Variants in STAT1 observed in about 807,000 individuals in gnomAD.
The protein encoded by STAT1 is signal transducer and activator of transcription 1, also known as signal transducer and activator of transcription 1-alpha/beta.
Under a neutral mutation model 111.7 loss-of-function variants are expected in STAT1, and 24 were observed. That is an observed-to-expected ratio of 0.21 (90% CI 0.16 to 0.30). STAT1 has a LOEUF of 0.30. Ranked by LOEUF, STAT1 falls within the 10% of genes least tolerant of loss-of-function variation. The probability of loss-of-function intolerance (pLI) is 1.00; values close to 1 mark genes in which losing one functional copy is unlikely to be tolerated. For missense variants in STAT1, 351 were observed against 911.9 expected, an observed-to-expected ratio of 0.38 and a Z score of 7.92; for synonymous variants, 332 against 326.5, an observed-to-expected ratio of 1.02 and a Z score of -0.18.
intron 5 of STAT1, among the ~76,000 whole-genome samples, chr2:191,002,444 C>T (rs564561860): frequency 3.1e-4 from 47 of 152,152 alleles, no homozygotes; most frequent in Non-Finnish European, 6.0e-4. Flanking sequence ...CTAGTAGGGC[C>T]AGTCCCATTT....
At position 190,982,986 on chromosome 2, in the gene STAT1, G is replaced by A. The variant is rs1692503784; in HGVS notation, c.1447-468C>T. On this transcript the variant is annotated intron_variant, in intron 17 of 24. Coordinates refer to ENST00000361099, the MANE Select transcript of STAT1 (RefSeq NM_007315.4). The surrounding 1 kb of genome is among the most constrained non-coding windows in gnomAD (Gnocchi z 7.3). ...TGGTGCCCGAGCATAGTACCACAGT[G>A]TGGTCTACTGTTCCTAAGCATGGGA... Among the ~76,000 whole-genome samples the A allele has an allele frequency of 6.6e-6, 1 of 152,206 alleles. No homozygotes were observed. The highest frequency in any genetic ancestry group is 6.5e-5 in the Admixed American group (1 of 15,286).
At chr2:191,009,805 C>T (rs577741534) in intron 3 of STAT1, 71 bp downstream of exon 3, 6 of 1,586,230 alleles carry the variant, frequency 3.8e-6, no homozygotes, top group South Asian at 2.2e-5. Flanking sequence ...GTAAACATGG[C>T]CCCAAGTCAC....
In STAT1 at chr2:190,971,456, C is replaced by CT. The variant is rs1023491826; in HGVS notation, c.2239-740dup. On this transcript the variant is annotated intron_variant, in intron 24 of 24. Coordinates refer to ENST00000361099, the MANE Select transcript of STAT1 (RefSeq NM_007315.4). The surrounding 1 kb of genome is among the most constrained non-coding windows in gnomAD (Gnocchi z 4.1). ...GAAGCCAGAGGTGTTGCTGAACCTC[C>CT]TACGAAGCACAGGAAAGCTCCCCAC... Among the ~76,000 whole-genome samples the CT allele has an allele frequency of 6.6e-6, 1 of 152,058 alleles. No individual in the cohort carries two copies. The highest frequency in any genetic ancestry group is 6.5e-5 in the Admixed American group (1 of 15,270).
At position 190,995,231 on chromosome 2, in the gene STAT1, C is replaced by G. The variant is rs562518878; in HGVS notation, c.786-12G>C. On this transcript the variant is annotated splice_polypyrimidine_tract_variant and intron_variant, in intron 9 of 24. Transcript: ENST00000361099. The surrounding 1 kb of genome is among the most constrained non-coding windows in gnomAD (Gnocchi z 4.2). ...CAACTATAGTGAACCTGGGAAGACA[C>G]AAGACACAGATGTCTCTATGAGAAA... The G allele has an allele frequency of 1.9e-6, 3 of 1,613,736 alleles. No homozygotes were observed. The highest frequency in any genetic ancestry group is 1.3e-5 in the African/African-American group (1 of 74,972).
chr2:190,998,834 T>A lies in STAT1; in HGVS notation c.542-526A>T, dbSNP rs1246260927. Reference sequence around the variant, plus strand: ...TTATTATAAAAATAAATGTAAATAATAAAATGTTTTATCTGAACAGAATTC... The same window carrying A: ...TTATTATAAAAATAAATGTAAATAAAAAAATGTTTTATCTGAACAGAATTC... On this transcript the variant is annotated intron_variant, in intron 7 of 24. Coordinates refer to ENST00000361099, the MANE Select transcript of STAT1 (RefSeq NM_007315.4). The surrounding 1 kb of genome is among the most constrained non-coding windows in gnomAD (Gnocchi z 4.1). Among the ~76,000 whole-genome samples, 2 of 151,730 alleles carry A rather than the reference T, an allele frequency of 1.3e-5. No individual in the cohort carries two copies. Among genetic ancestry groups the A allele is most frequent in the Non-Finnish European group, 2.9e-5 (2 of 67,950 alleles).
Position 190,980,742 on chromosome 2 carries a change from T to G in STAT1, c.1583-73A>C. The stretch of plus-strand genomic sequence containing the variant: ...AAGCTTTGGTTGGACGGATGGCTCT[T>G]GTATTTGCTCTCAAGGAAAAGAGCC... On this transcript the variant is annotated intron_variant, in intron 18 of 24. Transcript: ENST00000361099. The surrounding 1 kb of genome is among the most constrained non-coding windows in gnomAD (Gnocchi z 6.1). 1 of 1,466,920 alleles carries G rather than the reference T, an allele frequency of 6.8e-7. No homozygotes were observed. Among genetic ancestry groups the G allele is most frequent in the Non-Finnish European group, 9.5e-7 (1 of 1,048,670 alleles). The allele number at this position is 1,466,920 out of a possible 1,614,324, so 90.9% of individuals were successfully genotyped here. A position where few individuals can be genotyped will look rare whatever the true frequency, so the allele number is the denominator to read the frequency against.
intron 2 of STAT1, among the ~76,000 whole-genome samples, chr2:191,011,864 T>C (rs1206562122): frequency 6.6e-6 from 1 of 152,048 alleles, no homozygotes; most frequent in East Asian, 2.0e-4. Context: ...CAGTTCTTTA[T>C]AGCAGCATGA....
Position 190,982,664 on chromosome 2 carries a change from A to C in STAT1, c.1447-146T>G. 1 of 862,822 alleles carries C rather than the reference A, an allele frequency of 1.2e-6. No homozygotes were observed. Among genetic ancestry groups the C allele is most frequent in the Non-Finnish European group, 1.9e-6 (1 of 539,102 alleles). 53.4% of individuals were successfully genotyped at this position (862,822 alleles called of 1,614,324 possible). ...ACAGTAGGGGAAGAGAAATACAGTC[A>C]ATTTTCATTATTTACAGATGCACAT... On this transcript the variant is annotated intron_variant, in intron 17 of 24. Coordinates refer to ENST00000361099, the MANE Select transcript of STAT1 (RefSeq NM_007315.4). This position sits in a 1 kb window ranked among gnomAD's most constrained non-coding sequence, Gnocchi z 7.3.
At position 190,997,765 on chromosome 2, in the gene STAT1, G is replaced by C. The variant is rs892167462; in HGVS notation, c.785+91C>G. The C allele has an allele frequency of 3.2e-6, 5 of 1,564,770 alleles. No homozygotes were observed. In the African/African-American group the frequency reaches 5.4e-5, roughly 17 times the overall value. On this transcript the variant is annotated intron_variant, in intron 9 of 24. Coordinates refer to ENST00000361099, the MANE Select transcript of STAT1 (RefSeq NM_007315.4). The surrounding 1 kb of genome is among the most constrained non-coding windows in gnomAD (Gnocchi z 7.3). ...AAACTCTATACTAATGTTTTGACAG[G>C]GTCCATTCAACTAACACAGCTCAAA...
rs770452244 is a variant in STAT1 at position 190,976,685 on chromosome 2, C to A, written c.2059+155G>T. ...ACTAGCTGTATCAGGCCAAATAATG[C>A]ATTATGTTTCACCTGCACTGAGTTT... On this transcript the variant is annotated intron_variant, in intron 22 of 24. Coordinates refer to ENST00000361099, the MANE Select transcript of STAT1 (RefSeq NM_007315.4). The surrounding 1 kb of genome is among the most constrained non-coding windows in gnomAD (Gnocchi z 6.0). 2.0e-5 allele frequency among the ~76,000 whole-genome samples: 3 copies of A among 152,174 alleles called. No individual in the cohort carries two copies. Among genetic ancestry groups the A allele is most frequent in the Non-Finnish European group, 2.9e-5 (2 of 68,038 alleles).
rs1326059771 is a variant in STAT1, at chr2:190,999,585, A to T, written c.541+41T>A. 1 of 1,424,302 alleles carries T rather than the reference A, an allele frequency of 7.0e-7. No individual in the cohort carries two copies. The highest frequency in any genetic ancestry group is 9.9e-7 in the Non-Finnish European group (1 of 1,007,308). The allele number at this position is 1,424,302 out of a possible 1,614,324, so 88.2% of individuals were successfully genotyped here. On this transcript the variant is annotated intron_variant, in intron 7 of 24. Coordinates refer to ENST00000361099, the MANE Select transcript of STAT1 (RefSeq NM_007315.4). This position sits in a 1 kb window ranked among gnomAD's most constrained non-coding sequence, Gnocchi z 4.1. ...TTCGTTATCTAGTGTGAACAGAAAA[A>T]ATTGCAGCCAACGGGCACCACTTCA... is the stretch of plus-strand genomic sequence containing the variant.
intron 2 of STAT1, chr2:191,010,476 G>T: frequency 2.5e-6 from 1 of 400,644 alleles, no homozygotes. Flanking sequence ...CACATAGTAG[G>T]TATCCAATAA....
chr2:190,994,293 G>A (rs570929289), intron 10 of STAT1, among the ~76,000 whole-genome samples: 1 of 152,312 alleles, frequency 6.6e-6, no homozygotes, highest in South Asian at 2.1e-4. Context: ...CCAGGCTGCA[G>A]AAGGGGGGCC....
Position 190,983,454 on chromosome 2 carries a change from G to GT in STAT1, c.1446+187dup, listed in dbSNP as rs1431184486. ...AGCTTACCCACATGGGAGAAAAAACGTAATTCTCATTTCAAATACATATCC... is the reference window on the plus strand; with the variant it reads ...AGCTTACCCACATGGGAGAAAAAACGTTAATTCTCATTTCAAATACATATCC... On this transcript the variant is annotated intron_variant, in intron 17 of 24. Coordinates refer to ENST00000361099, the MANE Select transcript of STAT1 (RefSeq NM_007315.4). This position sits in a 1 kb window ranked among gnomAD's most constrained non-coding sequence, Gnocchi z 5.7. 1.3e-5 allele frequency among the ~76,000 whole-genome samples: 2 copies of GT among 152,178 alleles called. No individual in the cohort carries two copies. The highest frequency in any genetic ancestry group is 4.8e-5 in the African/African-American group (2 of 41,436).
Position 190,977,475 on chromosome 2 carries a change from A to G in STAT1, c.1874-450T>C, listed in dbSNP as rs1574639035. Among the ~76,000 whole-genome samples, 1 of 152,328 alleles carries G rather than the reference A, an allele frequency of 6.6e-6. No homozygotes were observed. The highest frequency in any genetic ancestry group is 2.1e-4 in the South Asian group (1 of 4,828). On this transcript the variant is annotated intron_variant, in intron 21 of 24. Coordinates refer to ENST00000361099, the MANE Select transcript of STAT1 (RefSeq NM_007315.4). The surrounding 1 kb of genome is among the most constrained non-coding windows in gnomAD (Gnocchi z 4.7). ...TATTAAAATAAATTATGATATATAG[A>G]AAACAACATTTCAAATTAAAAATGA... is the stretch of plus-strand genomic sequence containing the variant.
At chr2:191,013,876 C>T in intron 1 of STAT1, 142 bp downstream of exon 1, 2 of 387,218 alleles carry the variant, frequency 5.2e-6, no homozygotes, top group Non-Finnish European at 9.1e-6. Context: ...ACTTGGAATA[C>T]TCAGGACGCG....
chr2:190,980,020 A>G lies in STAT1; in HGVS notation c.1633-154T>C, dbSNP rs554522726. ...TGGGATCCCTCCCCTGGCAGGGAAT[A>G]TCAAGTTCCCTCCCCGCTCTTATCA... is the stretch of plus-strand genomic sequence containing the variant. On this transcript the variant is annotated intron_variant, in intron 19 of 24. Coordinates refer to ENST00000361099, the MANE Select transcript of STAT1 (RefSeq NM_007315.4). The surrounding 1 kb of genome is among the most constrained non-coding windows in gnomAD (Gnocchi z 6.1). Among the ~76,000 whole-genome samples the G allele has an allele frequency of 6.6e-6, 1 of 152,292 alleles. No individual in the cohort carries two copies. The highest frequency in any genetic ancestry group is 1.9e-4 in the East Asian group (1 of 5,186).
chr2:190,998,099 A>T lies in STAT1; in HGVS notation c.634-92T>A. On this transcript the variant is annotated intron_variant, in intron 8 of 24. Coordinates refer to ENST00000361099, the MANE Select transcript of STAT1 (RefSeq NM_007315.4). This position sits in a 1 kb window ranked among gnomAD's most constrained non-coding sequence, Gnocchi z 4.1. The stretch of plus-strand genomic sequence containing the variant: ...TTAAAAGAAAAGCAAATATCATTTC[A>T]TTCTCAACTGGGGCTCTAAGCCAGG... The T allele has an allele frequency of 6.4e-7, 1 of 1,568,576 alleles. No homozygotes were observed. The highest frequency in any genetic ancestry group is 8.7e-7 in the Non-Finnish European group (1 of 1,146,308).
At position 190,983,716 on chromosome 2, in the gene STAT1, TCAC is replaced by T. The variant is rs1692563195; in HGVS notation, c.1369_1371del (p.Val457del). ...CTCGGGAGCTGGCTGACGTTGGAGA[TCAC>T]CACAACGGGCAGAGAGGTCGTCTAA... On this transcript the variant is annotated inframe_deletion, in exon 17 of 25. Coordinates refer to ENST00000361099, the MANE Select transcript of STAT1 (RefSeq NM_007315.4). The surrounding 1 kb of genome is among the most constrained non-coding windows in gnomAD (Gnocchi z 5.7). The T allele has an allele frequency of 6.2e-7, 1 of 1,614,018 alleles. No homozygotes were observed.
Sources: allele counts gnomAD v4.1 joint callset (sites outside exome capture counted in the v4.1 genomes callset), GRCh38; gene constraint gnomAD v4.1.1; non-coding constraint Gnocchi (gnomAD v3.1); transcripts MANE v1.5; gene names NCBI Gene and HGNC (gene_info 2026-07-23, HGNC 2026-07-21).